Variants in SIRT4 observed in about 807,000 individuals in gnomAD.
SIRT4 encodes NAD-dependent protein lipoamidase sirtuin-4, mitochondrial.
SIRT4 carries 23 observed loss-of-function variants against 26.1 expected under a neutral mutation model. That is an observed-to-expected ratio of 0.88 (90% CI 0.63 to 1.25). The LOEUF (loss-of-function observed/expected upper bound fraction) is 1.25. Ranked by LOEUF, SIRT4 falls within the 50% of genes most tolerant of loss-of-function variation. The pLI, the probability that SIRT4 is intolerant of heterozygous loss-of-function variation, is 0.00. For synonymous variants in SIRT4, 155 were observed against 158.4 expected, an observed-to-expected ratio of 0.98 and a Z score of 0.16; for missense variants, 361 against 405.4, an observed-to-expected ratio of 0.89 and a Z score of 0.94.
intron 2 of SIRT4, among the ~76,000 whole-genome samples, chr12:120,308,364 T>C (rs752669526): frequency 1.8e-4 from 27 of 151,478 alleles, no homozygotes; most frequent in Non-Finnish European, 3.4e-4. Context: ...AGAGGTAGGG[T>C]TTCATCATGT....
intron 1 of SIRT4, among the ~76,000 whole-genome samples, chr12:120,303,147 G>C (rs940270510): frequency 3.9e-4 from 59 of 151,950 alleles, no homozygotes; most frequent in African/African-American, 1.1e-3. Flanking sequence ...AAAGGAATGC[G>C]TGTGTGTGCT....
At chr12:120,301,402 T>C (rs1872541904), upstream of SIRT4, among the ~76,000 whole-genome samples, 1 of 152,184 alleles carries the variant, frequency 6.6e-6, no homozygotes, top group Admixed American at 6.6e-5. Context: ...TTTTCAGATA[T>C]GTATAAACAC....
chr12:120,303,509 A>AG (rs1872618223), intron 1 of SIRT4, 52 bp from the exon 2 acceptor site: 3 of 1,484,604 alleles, frequency 2.0e-6, no homozygotes, highest in Non-Finnish European at 2.7e-6. Context: ...ACAAAAAATG[A>AG]GAAAAAAAAA....
intron 2 of SIRT4, among the ~76,000 whole-genome samples, chr12:120,308,292 C>T (rs1872825643): frequency 6.6e-6 from 1 of 151,634 alleles, no homozygotes; most frequent in South Asian, 2.1e-4. Flanking sequence ...GCCTCAGCCT[C>T]CCAAGTAGTT....
At chr12:120,297,223 AAAAT>A in the SIRT4 span, among the ~76,000 whole-genome samples, 70 of 147,422 alleles carry the variant, frequency 4.7e-4, no homozygotes, top group Middle Eastern at 3.5e-3. Context: ...ACTCCGTCTC[AAAAT>A]AAATAAATAC....
At chr12:120,298,196 CAAAAAAAAAAAAAA>C (rs56752571), upstream of SIRT4, among the ~76,000 whole-genome samples, 3 of 21,060 alleles carry the variant, frequency 1.4e-4, no homozygotes, top group African/African-American at 1.6e-4. Flanking sequence ...AACTCCATCT[CAAAAAAAAAAAAAA>C]AAAAAAAAAA....
chr12:120,306,523 C>T lies in SIRT4; in HGVS notation c.497+2465C>T, dbSNP rs1033407051. ...AAAAAACAGAGAAAGGAAACTGGGA[C>T]GGGTGCGGTGGCTCATGCTTGTAAT... On this transcript the variant is annotated intron_variant, in intron 2 of 3. Coordinates refer to ENST00000202967, the MANE Select transcript of SIRT4 (RefSeq NM_012240.3). Among the ~76,000 whole-genome samples, 5 of 148,212 alleles carry T rather than the reference C, an allele frequency of 3.4e-5. No homozygotes were observed. In the South Asian group the frequency reaches 8.7e-4, roughly 26 times the overall value.
intron 2 of SIRT4, among the ~76,000 whole-genome samples, chr12:120,308,165 CTTTTTTTTTTTTT>C (rs10707396): frequency 1.2e-5 from 1 of 84,982 alleles, no homozygotes; most frequent in Non-Finnish European, 2.3e-5. Flanking sequence ...CCCAAGAAAG[CTTTTTTTTTTTTT>C]TTTTTTTTGA....
At chr12:120,309,069 C>T (rs1043271280) in intron 2 of SIRT4, among the ~76,000 whole-genome samples, 5 of 152,138 alleles carry the variant, frequency 3.3e-5, no homozygotes, top group Middle Eastern at 6.8e-3. Flanking sequence ...ATCCCAGCTA[C>T]TCGGGAGGCT....
At chr12:120,300,963 A>T (rs577591554), upstream of SIRT4, among the ~76,000 whole-genome samples, 3 of 149,760 alleles carry the variant, frequency 2.0e-5, no homozygotes, top group South Asian at 6.2e-4. Flanking sequence ...TAACTTAATA[A>T]AAAAAATATG....
chr12:120,308,582 T>TCTGGC (rs1365900055), intron 2 of SIRT4, among the ~76,000 whole-genome samples: 2 of 151,822 alleles, frequency 1.3e-5, no homozygotes, highest in Non-Finnish European at 2.9e-5. Context: ...CCCAGAGGAG[T>TCTGGC]CTGGCCTGGC....
At chr12:120,305,492 C>G (rs762870870) in intron 2 of SIRT4, among the ~76,000 whole-genome samples, 43 of 152,124 alleles carry the variant, frequency 2.8e-4, no homozygotes, top group Non-Finnish European at 1.8e-4. Flanking sequence ...AACTCCTGGG[C>G]TCATGTGATC....
At chr12:120,299,620 TAGTG>T (rs1216767201), upstream of SIRT4, among the ~76,000 whole-genome samples, 1 of 151,974 alleles carries the variant, frequency 6.6e-6, no homozygotes, top group Non-Finnish European at 1.5e-5. Context: ...CCGAGGGCTA[TAGTG>T]TGGGAGCAGT....
upstream of SIRT4, among the ~76,000 whole-genome samples, chr12:120,299,143 C>T (rs1032533155): frequency 3.4e-4 from 51 of 150,486 alleles, no homozygotes; most frequent in Non-Finnish European, 4.7e-4. Flanking sequence ...ATCGCGTGAA[C>T]CCGGGAGGCG....
At chr12:120,311,087 A>C (rs1193201106) in intron 2 of SIRT4, among the ~76,000 whole-genome samples, 2 of 143,262 alleles carry the variant, frequency 1.4e-5, no homozygotes, top group African/African-American at 5.1e-5. Context: ...GGCCGGGCGC[A>C]GTGGCTCATG....
chr12:120,295,551 C>T, the SIRT4 span, among the ~76,000 whole-genome samples: 88 of 150,892 alleles, frequency 5.8e-4, 1 homozygote, highest in East Asian at 0.013. Context: ...TGTGAGCCAC[C>T]GCGCCTGGCC....
chr12:120,302,496 C>T (rs1055979425), intron 1 of SIRT4, 118 bp downstream of exon 1: 3 of 152,028 alleles, frequency 2.0e-5, no homozygotes, highest in Non-Finnish European at 4.4e-5. Context: ...TCCACTGATG[C>T]ACGTTTTCAG....
chr12:120,294,154 C>A, the SIRT4 span, among the ~76,000 whole-genome samples: 3 of 151,110 alleles, frequency 2.0e-5, no homozygotes, highest in African/African-American at 7.3e-5. Flanking sequence ...CAGATGCATG[C>A]CACCACTCTT....
upstream of SIRT4, among the ~76,000 whole-genome samples, chr12:120,299,368 A>G (rs1872462804): frequency 6.6e-6 from 1 of 150,686 alleles, no homozygotes; most frequent in South Asian, 2.1e-4. Flanking sequence ...CCTGGCCAAC[A>G]TGACGAAACC....
Sources: gnomAD v4.1 joint callset for allele counts (sites outside exome capture counted in the v4.1 genomes callset) on GRCh38, gnomAD v4.1.1 for gene constraint, MANE v1.5 for transcripts, NCBI Gene and HGNC (gene_info 2026-07-23, HGNC 2026-07-21) for gene names.